Variants in NOS1 observed in about 807,000 individuals in gnomAD.
NOS1 encodes the protein NOS type I.
NOS1 carries 51 observed loss-of-function variants against 164.5 expected under a neutral mutation model. The ratio of observed to expected loss-of-function variants is 0.31; its 90% CI spans 0.25 to 0.39. NOS1 has a LOEUF of 0.39. Ranked by LOEUF, NOS1 falls within the 10% of genes least tolerant of loss-of-function variation. NOS1 has a pLI of 1.00. For missense variants in NOS1, 1,362 were observed against 1,885.6 expected (o/e 0.72, Z 5.14); for synonymous variants, 719 against 745.8 (o/e 0.96, Z 0.59).
intron 16 of NOS1, among the ~76,000 whole-genome samples, chr12:117,255,062 C>T (rs1871339835): frequency 6.6e-6 from 1 of 152,016 alleles, no homozygotes; most frequent in Admixed American, 6.6e-5. Context: ...TGTAACTAAC[C>T]TGCACATTGT....
intron 16 of NOS1, among the ~76,000 whole-genome samples, chr12:117,257,671 G>A (rs1871569465): frequency 6.9e-6 from 1 of 144,100 alleles, no homozygotes; most frequent in African/African-American, 2.6e-5. Flanking sequence ...AAATTCCTGG[G>A]GCCAAGTGAT....
intron 1 of NOS1, among the ~76,000 whole-genome samples, chr12:117,353,636 G>C (rs1272697636): frequency 6.6e-6 from 1 of 152,208 alleles, no homozygotes; most frequent in East Asian, 1.9e-4. Context: ...TAGGTGTCAA[G>C]GGTTCTTGCG....
chr12:117,217,648 T>C (rs1187517582), intron 28 of NOS1, among the ~76,000 whole-genome samples: 1 of 151,512 alleles, frequency 6.6e-6, no homozygotes, highest in Non-Finnish European at 1.5e-5. Context: ...GAGGATGCAG[T>C]GAGCTGAGAC....
intron 13 of NOS1, among the ~76,000 whole-genome samples, chr12:117,262,484 AG>A (rs751719964): frequency 5.6e-5 from 3 of 53,152 alleles, no homozygotes; most frequent in Non-Finnish European, 9.6e-5. Context: ...AGAAAGGGGG[AG>A]GGGGAGAGAG....
At chr12:117,286,305 C>T in intron 5 of NOS1, 39 bp from the exon 6 acceptor site, 1 of 1,607,892 alleles carries the variant, frequency 6.2e-7, no homozygotes, top group Non-Finnish European at 8.5e-7. Context: ...ATCACCCCCT[C>T]TTCTGAATTA....
At chr12:117,332,110 T>C (rs1420852424) in intron 1 of NOS1, among the ~76,000 whole-genome samples, 2 of 152,166 alleles carry the variant, frequency 1.3e-5, no homozygotes, top group Admixed American at 1.3e-4. Context: ...CACAAAATTG[T>C]GGAAGACACT....
chr12:117,263,090 G>A (rs1432992827), intron 13 of NOS1, among the ~76,000 whole-genome samples: 2 of 152,132 alleles, frequency 1.3e-5, no homozygotes, highest in Non-Finnish European at 2.9e-5. Flanking sequence ...AGGAATGGCT[G>A]TGAGCTTCAT....
intron 22 of NOS1, among the ~76,000 whole-genome samples, chr12:117,231,411 A>G (rs1404090272): frequency 6.6e-6 from 1 of 152,116 alleles, no homozygotes; most frequent in East Asian, 1.9e-4. Context: ...AAAAATAACT[A>G]AAAGAGTGGA....
intron 28 of NOS1, among the ~76,000 whole-genome samples, chr12:117,216,554 T>C (rs1441879731): frequency 6.6e-6 from 1 of 151,768 alleles, no homozygotes; most frequent in Non-Finnish European, 1.5e-5. Flanking sequence ...CATGGCTCAC[T>C]GCAGTCTCGA....
intron 3 of NOS1, chr12:117,305,045 C>T (rs939428039): frequency 1.0e-5 from 10 of 985,334 alleles, no homozygotes; most frequent in East Asian, 2.3e-4. Flanking sequence ...TCTCAACCCC[C>T]ACCTATCCCT....
At chr12:117,252,221 T>C (rs1566040397) in intron 17 of NOS1, among the ~76,000 whole-genome samples, 2 of 152,246 alleles carry the variant, frequency 1.3e-5, no homozygotes, top group South Asian at 4.1e-4. Context: ...AGGTCTACTA[T>C]GAGAAGACTG....
At chr12:117,298,815 C>T (rs1873600760) in intron 3 of NOS1, among the ~76,000 whole-genome samples, 1 of 152,212 alleles carries the variant, frequency 6.6e-6, no homozygotes, top group Non-Finnish European at 1.5e-5. Context: ...AACTGTGAGG[C>T]AATCCATTCT....
At chr12:117,291,804 G>A (rs776165291) in intron 3 of NOS1, among the ~76,000 whole-genome samples, 13 of 152,048 alleles carry the variant, frequency 8.5e-5, no homozygotes, top group Non-Finnish European at 1.9e-4. Flanking sequence ...CCAAAGTGTT[G>A]GGATTACAGG....
chr12:117,257,104 G>A (rs1340063601), intron 16 of NOS1, among the ~76,000 whole-genome samples: 1 of 152,086 alleles, frequency 6.6e-6, no homozygotes, highest in Non-Finnish European at 1.5e-5. Context: ...ATTTTTTAGA[G>A]ACAGGGTCTT....
chr12:117,305,382 T>A (rs1051312339), intron 3 of NOS1, among the ~76,000 whole-genome samples: 2 of 151,120 alleles, frequency 1.3e-5, no homozygotes, highest in African/African-American at 4.9e-5. Context: ...AAGAATGGCG[T>A]GAACCTGGGA....
chr12:117,279,363 A>C (rs1159407382), intron 8 of NOS1, among the ~76,000 whole-genome samples: 1 of 151,488 alleles, frequency 6.6e-6, no homozygotes, highest in Non-Finnish European at 1.5e-5. Flanking sequence ...GTGAGACTCC[A>C]TCTCAAAAAA....
At position 117,278,057 on chromosome 12, in the gene NOS1, G is replaced by A. The variant is rs954919515; in HGVS notation, c.1566C>T (p.Phe522=). ...CCTGAAGCAGGAGCGGCAGGACATC[G>A]AAGCGGCCTCTAGGCGGTTTCCAGC... ...QQGWKPPRGR[F]DVLPLLLQAN... The change falls in exon 9 of 29, where the codon TTC becomes TTT. Residue 522 remains phenylalanine, a synonymous_variant. Coordinates refer to ENST00000317775, the MANE Select transcript of NOS1 (RefSeq NM_000620.5). The A allele has an allele frequency of 6.8e-6, 11 of 1,614,040 alleles. No individual in the cohort carries two copies. Among genetic ancestry groups the A allele is most frequent in the South Asian group, 2.2e-5 (2 of 91,074 alleles).
At chr12:117,298,055 T>C (rs1310350600) in intron 3 of NOS1, among the ~76,000 whole-genome samples, 1 of 152,074 alleles carries the variant, frequency 6.6e-6, no homozygotes, top group Non-Finnish European at 1.5e-5. Context: ...GGGCATTACA[T>C]TGATCGTGTG....
intron 16 of NOS1, among the ~76,000 whole-genome samples, chr12:117,256,248 T>C (rs555907463): frequency 6.0e-4 from 89 of 148,970 alleles, no homozygotes; most frequent in Non-Finnish European, 1.2e-3. Flanking sequence ...TACGGCAGCA[T>C]GTTCTCTGCA....
Sources: allele counts gnomAD v4.1 joint callset (sites outside exome capture counted in the v4.1 genomes callset), GRCh38; gene constraint gnomAD v4.1.1; transcripts MANE v1.5; gene names NCBI Gene and HGNC (gene_info 2026-07-23, HGNC 2026-07-21).